The following SH3KBP1 variants were observed in gnomAD, a reference collection of about 807,000 sequenced individuals.
SH3KBP1 encodes the protein SH3 domain containing kinase binding protein 1.
SH3KBP1 carries 8 observed loss-of-function variants against 50.1 expected under a neutral mutation model. The ratio of observed to expected loss-of-function variants is 0.16; its 90% confidence interval spans 0.09 to 0.29. The LOEUF (loss-of-function observed/expected upper bound fraction) is 0.29, where lower values mean the gene tolerates loss of function less well. Among genes scored for constraint, SH3KBP1 ranks in the 10% least tolerant of loss-of-function variants. The pLI is 1.00. For synonymous variants in SH3KBP1, 227 were observed against 218.6 expected, an observed-to-expected ratio of 1.04 and a Z score of -0.34; for missense variants, 377 against 535.2, an observed-to-expected ratio of 0.70 and a Z score of 2.92.
At chrX:19,850,291 C>T (rs1458304727) in intron 1 of SH3KBP1, among the ~76,000 whole-genome samples, 1 of 110,533 alleles carries the variant, frequency 9.0e-6, no homozygotes, top group Non-Finnish European at 1.9e-5. Flanking sequence ...TCAAGTGATT[C>T]TCATGTCTCA....
intron 1 of SH3KBP1, among the ~76,000 whole-genome samples, chrX:19,851,796 T>A (rs1179464435): frequency 1.8e-5 from 2 of 112,008 alleles, no homozygotes; most frequent in African/African-American, 6.5e-5. Context: ...CTCGACGCCC[T>A]GAGTAGCTGG....
At chrX:19,566,076 G>A (rs1301693846) in intron 13 of SH3KBP1, among the ~76,000 whole-genome samples, 1 of 110,140 alleles carries the variant, frequency 9.1e-6, no homozygotes. Context: ...AGGAGTTAGA[G>A]GCTGCAGTGA....
chrX:19,885,112 T>C (rs1216952408), intron 1 of SH3KBP1, among the ~76,000 whole-genome samples: 1 of 110,582 alleles, frequency 9.0e-6, no homozygotes, highest in Non-Finnish European at 1.9e-5. Flanking sequence ...AGCGAGACCC[T>C]CCCTCTTAAA....
chrX:19,758,040 T>G (rs1158920110), intron 2 of SH3KBP1, among the ~76,000 whole-genome samples: 1 of 110,355 alleles, frequency 9.1e-6, no homozygotes, highest in Non-Finnish European at 1.9e-5. Context: ...AGTTCAAGAT[T>G]CAAGGCCGGG....
intron 14 of SH3KBP1, 92 bp from the exon 15 acceptor site, chrX:19,546,142 C>T (rs753275678): frequency 4.0e-5 from 40 of 997,984 alleles, no homozygotes; most frequent in Admixed American, 9.9e-5. Context: ...TAAAAGCACT[C>T]GACACTGCTA....
intron 11 of SH3KBP1, 115 bp downstream of exon 11, chrX:19,591,952 T>G (rs762020380): frequency 5.1e-6 from 3 of 593,750 alleles, no homozygotes; most frequent in Non-Finnish European, 8.6e-6. Context: ...AACAAAACCA[T>G]GATCACCATA....
intron 6 of SH3KBP1, among the ~76,000 whole-genome samples, chrX:19,662,944 T>C (rs1481828909): frequency 9.1e-6 from 1 of 110,493 alleles, no homozygotes; most frequent in Non-Finnish European, 1.9e-5. Context: ...ATAAAGTCTA[T>C]ACTTGGCTGT....
At chrX:19,581,342 C>A (rs2066366427) in intron 12 of SH3KBP1, among the ~76,000 whole-genome samples, 1 of 112,130 alleles carries the variant, frequency 8.9e-6, no homozygotes, top group Non-Finnish European at 1.9e-5. Flanking sequence ...AAAAATCACA[C>A]AAGGAATCAC....
At chrX:19,608,072 G>C in intron 8 of SH3KBP1, 27 bp from the exon 9 acceptor site, 1 of 1,156,932 alleles carries the variant, frequency 8.6e-7, no homozygotes, top group Non-Finnish European at 1.2e-6. Flanking sequence ...CAGAGAGTGA[G>C]AGATGGGGGC....
At position 19,541,987 on chromosome X, in the gene SH3KBP1, C is replaced by G. The variant is rs61740276; in HGVS notation, c.1830G>C (p.Glu610Asp). Residue 610 changes from glutamate to aspartate, a missense_variant, in exon 16 of 18, where the codon GAG (glutamate) becomes GAC (aspartate). Physicochemically the swap from Glu to Asp is conservative, Grantham distance 45. Coordinates refer to ENST00000397821, the MANE Select transcript of SH3KBP1 (RefSeq NM_031892.3). ...GCTCGCGGACCTGTGTCCTTAGCTC[C>G]TCCACGGCCGCCTGGCTGCTGGCCG... ...EPAASSQAAV[E>D]ELRTQVRELR... is the part of the protein sequence containing the mutation. The G allele has an allele frequency of 8.3e-7, 1 of 1,210,230 alleles. No homozygotes were observed. The highest frequency in any genetic ancestry group is 3.0e-5 in the East Asian group (1 of 33,761).
intron 12 of SH3KBP1, among the ~76,000 whole-genome samples, chrX:19,569,686 C>T (rs2065948622): frequency 8.9e-6 from 1 of 111,879 alleles, no homozygotes; most frequent in African/African-American, 3.2e-5. Context: ...TGAGATCTGG[C>T]GGCCTGAATG....
chrX:19,538,548 T>A (rs2064786724), intron 16 of SH3KBP1, among the ~76,000 whole-genome samples: 1 of 103,530 alleles, frequency 9.7e-6, no homozygotes. Context: ...TACCACTCCA[T>A]ATATATTTCC....
chrX:19,647,741 T>A (rs181218010), intron 6 of SH3KBP1, among the ~76,000 whole-genome samples: 64 of 111,396 alleles, frequency 5.7e-4, no homozygotes, highest in Non-Finnish European at 1.1e-3. Flanking sequence ...ATTGGCCTAG[T>A]GTTTCTCTTG....
chrX:19,823,231 C>T (rs925329559), intron 2 of SH3KBP1, among the ~76,000 whole-genome samples: 22 of 111,582 alleles, frequency 2.0e-4, no homozygotes, highest in African/African-American at 5.9e-4. Flanking sequence ...TTATCTAAAA[C>T]GACACCCATT....
At chrX:19,849,263 G>A (rs758967732) in intron 1 of SH3KBP1, among the ~76,000 whole-genome samples, 8 of 111,639 alleles carry the variant, frequency 7.2e-5, no homozygotes, top group East Asian at 2.8e-4. Context: ...GATACAGAAC[G>A]TCCGAAAATA....
chrX:19,876,573 C>A (rs769991920), intron 1 of SH3KBP1, among the ~76,000 whole-genome samples: 3 of 110,890 alleles, frequency 2.7e-5, no homozygotes, highest in Admixed American at 1.9e-4. Context: ...GAGAAAATCC[C>A]CAGCTAGACA....
intron 9 of SH3KBP1, among the ~76,000 whole-genome samples, chrX:19,605,901 T>C (rs1268931500): frequency 8.9e-6 from 1 of 112,394 alleles, no homozygotes. Context: ...TCTAAGTTGC[T>C]AGATTTATTT....
chrX:19,826,163 T>A (rs930744066), intron 2 of SH3KBP1, among the ~76,000 whole-genome samples: 2 of 112,431 alleles, frequency 1.8e-5, no homozygotes, highest in Non-Finnish European at 3.8e-5. Flanking sequence ...CCAGAACATC[T>A]TTACAGAATA....
chrX:19,698,677 G>A (rs1175574202), intron 4 of SH3KBP1, among the ~76,000 whole-genome samples: 2 of 111,793 alleles, frequency 1.8e-5, no homozygotes, highest in African/African-American at 6.5e-5. Context: ...GAGTCGTTCA[G>A]TACTATTTCC....
Sources: allele counts gnomAD v4.1 joint callset (sites outside exome capture counted in the v4.1 genomes callset), GRCh38; gene constraint gnomAD v4.1.1; transcripts MANE v1.5; gene names NCBI Gene and HGNC (gene_info 2026-07-23, HGNC 2026-07-21).